Variants in PDE8B observed in about 807,000 individuals in gnomAD.
PDE8B encodes phosphodiesterase 8B.
Under a neutral mutation model 101.3 loss-of-function variants are expected in PDE8B, and 26 were observed. That is an observed-to-expected ratio of 0.26 (90% CI 0.19 to 0.36). The LOEUF is 0.36. Ranked by LOEUF, PDE8B falls within the 10% of genes least tolerant of loss-of-function variation. PDE8B has a pLI of 1.00. For synonymous variants in PDE8B, 424 were observed against 429.3 expected (o/e 0.99, Z 0.15); for missense variants, 810 against 1,163.1 (o/e 0.70, Z 4.42).
the PDE8B span, among the ~76,000 whole-genome samples, chr5:77,097,685 T>TATATA: frequency 1.1e-4 from 2 of 18,140 alleles, no homozygotes; most frequent in African/African-American, 2.5e-4. Context: ...TGTGGAGATT[T>TATATA]TATATATCTA....
At chr5:77,397,026 A>ATTTTTTT (rs71606290) in intron 10 of PDE8B, among the ~76,000 whole-genome samples, 873 of 84,362 alleles carry the variant, frequency 0.01, 85 homozygotes, top group African/African-American at 0.023. Flanking sequence ...CCGATAAGAA[A>ATTTTTTT]TTTTTTTTTT....
chr5:77,256,112 T>C lies in PDE8B; in HGVS notation c.339+44848T>C, dbSNP rs535198518. 2.0e-5 allele frequency among the ~76,000 whole-genome samples: 3 copies of C among 152,338 alleles called. No individual in the cohort carries two copies. In the South Asian group the frequency reaches 6.2e-4, roughly 32 times the overall value. ...CTGGAAGTTCCTTATTTCTTTTAATTTGCTTTTATCAAACTTTTTTCCAAA... is the reference window on the plus strand; with the variant it reads ...CTGGAAGTTCCTTATTTCTTTTAATCTGCTTTTATCAAACTTTTTTCCAAA... On this transcript the variant is annotated intron_variant, in intron 1 of 21. Coordinates refer to ENST00000264917, the MANE Select transcript of PDE8B (RefSeq NM_003719.5).
intron 10 of PDE8B, among the ~76,000 whole-genome samples, chr5:77,369,735 C>T (rs745370303): frequency 3.9e-5 from 6 of 152,212 alleles, no homozygotes; most frequent in Non-Finnish European, 5.9e-5. Context: ...CTCGAGACCA[C>T]TACACAGCCC....
chr5:77,101,291 C>A, the PDE8B span, among the ~76,000 whole-genome samples: 4 of 152,074 alleles, frequency 2.6e-5, no homozygotes, highest in Admixed American at 2.0e-4. Flanking sequence ...TTTTGCATTT[C>A]TTTTGCAATA....
the PDE8B span, among the ~76,000 whole-genome samples, chr5:77,205,148 G>A: frequency 1.3e-5 from 2 of 152,076 alleles, no homozygotes; most frequent in African/African-American, 4.8e-5. Flanking sequence ...CCCAGCACTC[G>A]GTGGCCTCCA....
At chr5:77,154,644 A>T in the PDE8B span, among the ~76,000 whole-genome samples, 1 of 152,178 alleles carries the variant, frequency 6.6e-6, no homozygotes, top group African/African-American at 2.4e-5. Context: ...GACTACTAGG[A>T]TGCAGTATAG....
At chr5:77,177,324 A>G in the PDE8B span, among the ~76,000 whole-genome samples, 1 of 152,254 alleles carries the variant, frequency 6.6e-6, no homozygotes, top group East Asian at 1.9e-4. Context: ...ACAGATAGTA[A>G]TGAACCCTGT....
chr5:77,405,147 A>T (rs3214046), intron 12 of PDE8B, among the ~76,000 whole-genome samples: 29,868 of 152,188 alleles, frequency 0.2, 3,496 homozygotes, highest in East Asian at 0.38. Context: ...CCAACTCCCA[A>T]CACAAACCTA....
chr5:77,335,560 T>TGA (rs1455215144), intron 5 of PDE8B, among the ~76,000 whole-genome samples: 22 of 120,968 alleles, frequency 1.8e-4, no homozygotes, highest in African/African-American at 7.8e-4. Flanking sequence ...TGTGTGTGTG[T>TGA]GTGTGAGAGA....
intron 10 of PDE8B, among the ~76,000 whole-genome samples, chr5:77,398,788 G>T (rs1791628478): frequency 6.6e-6 from 1 of 152,188 alleles, no homozygotes; most frequent in Non-Finnish European, 1.5e-5. Flanking sequence ...CTCACGGGGT[G>T]GTCCACAATC....
At chr5:77,328,303 A>G (rs1776445019) in intron 3 of PDE8B, among the ~76,000 whole-genome samples, 1 of 151,222 alleles carries the variant, frequency 6.6e-6, no homozygotes, top group Admixed American at 6.6e-5. Flanking sequence ...GGACCTCAAA[A>G]TTCTATGTCC....
the PDE8B span, among the ~76,000 whole-genome samples, chr5:77,190,051 C>T: frequency 6.6e-5 from 10 of 152,334 alleles, no homozygotes; most frequent in East Asian, 1.5e-3. Flanking sequence ...AGCACTAACA[C>T]GGTGTGAGTT....
the PDE8B span, among the ~76,000 whole-genome samples, chr5:77,159,631 T>C: frequency 6.6e-6 from 1 of 152,210 alleles, no homozygotes; most frequent in Non-Finnish European, 1.5e-5. Flanking sequence ...ATATATCATA[T>C]TAGTTCTGTC....
rs912849753 is a variant in PDE8B, at chr5:77,424,819, G to GTTTTTTTTTTTTTTTTTTTTT, written c.2419-942_2419-941insTTTTTTTTTTTTTTTTTTTTT. Among the ~76,000 whole-genome samples, 2 of 110,044 alleles carry GTTTTTTTTTTTTTTTTTTTTT rather than the reference G, an allele frequency of 1.8e-5. 1 individual carries two copies. Among genetic ancestry groups the GTTTTTTTTTTTTTTTTTTTTT allele is most frequent in the Non-Finnish European group, 4.1e-5 (2 of 48,234 alleles). 72.2% of individuals were successfully genotyped at this position (110,044 alleles called of 152,430 possible). ...CAAGTGAAACTGGTTCTGTTTTTTT[G>GTTTTTTTTTTTTTTTTTTTTT]TTTTTTGTTTTTTGTTTTTAATGTG... On this transcript the variant is annotated intron_variant, in intron 20 of 21. Transcript: ENST00000264917.
chr5:77,411,636 A>T, intron 14 of PDE8B, 40 bp from the exon 15 acceptor site: 1 of 1,512,638 alleles, frequency 6.6e-7, no homozygotes, highest in Non-Finnish European at 9.2e-7. Context: ...ATGATAATAG[A>T]TATAAAGCAT....
intron 3 of PDE8B, among the ~76,000 whole-genome samples, chr5:77,328,233 C>A (rs1446769453): frequency 6.6e-6 from 1 of 152,198 alleles, no homozygotes; most frequent in African/African-American, 2.4e-5. Flanking sequence ...CAATTTACAA[C>A]CCCCTGACCA....
intron 19 of PDE8B, among the ~76,000 whole-genome samples, chr5:77,420,984 G>A (rs1412868845): frequency 6.6e-6 from 1 of 152,174 alleles, no homozygotes; most frequent in Admixed American, 6.5e-5. Flanking sequence ...CAGAGCTCTG[G>A]AGACCTAATT....
chr5:77,261,787 G>A (rs1194396283), intron 1 of PDE8B, among the ~76,000 whole-genome samples: 1 of 152,228 alleles, frequency 6.6e-6, no homozygotes, highest in Non-Finnish European at 1.5e-5. Flanking sequence ...CCCAATGGTT[G>A]CCGGGCCTTA....
chr5:77,263,553 C>T (rs563754483), intron 1 of PDE8B, among the ~76,000 whole-genome samples: 2 of 152,216 alleles, frequency 1.3e-5, no homozygotes, highest in Non-Finnish European at 2.9e-5. Flanking sequence ...CTCCTGTTTC[C>T]TTCCCCTACC....
Sources: gnomAD v4.1 joint callset for allele counts (sites outside exome capture counted in the v4.1 genomes callset) on GRCh38, gnomAD v4.1.1 for gene constraint, MANE v1.5 for transcripts, NCBI Gene and HGNC (gene_info 2026-07-23, HGNC 2026-07-21) for gene names.